TOP1: variants seen among roughly 807,000 people sequenced by gnomAD.
TOP1 encodes DNA topoisomerase I.
In TOP1, 10 loss-of-function variants were observed where a neutral mutation model predicts 111.1. The ratio of observed to expected loss-of-function variants is 0.09; its 90% confidence interval spans 0.06 to 0.15. The LOEUF is 0.15. Ranked by LOEUF, TOP1 falls within the 10% of genes least tolerant of loss-of-function variation. The pLI, the probability that TOP1 is intolerant of heterozygous loss-of-function variation, is 1.00. For missense variants in TOP1, 474 were observed against 926.7 expected (o/e 0.51, Z 6.34); for synonymous variants, 271 against 302.9 (o/e 0.89, Z 1.10).
intron 2 of TOP1, among the ~76,000 whole-genome samples, chr20:41,055,294 T>G (rs1290070359): frequency 6.6e-6 from 1 of 152,250 alleles, no homozygotes; most frequent in Non-Finnish European, 1.5e-5. Flanking sequence ...TTTTTGCACT[T>G]AACAGGTGCT....
Position 41,106,327 on chromosome 20 carries a change from T to C in TOP1, c.1308+4974T>C, listed in dbSNP as rs2034144967. On this transcript the variant is annotated intron_variant, in intron 13 of 20. Transcript: ENST00000361337. This position sits in a 1 kb window ranked among gnomAD's most constrained non-coding sequence, Gnocchi z 4.3. ...GACAAGTTTGTTTCATTCTTCAAAATTGCTTTGGCTATTCTTGGCCCTCTG... is the reference window on the plus strand; with the variant it reads ...GACAAGTTTGTTTCATTCTTCAAAACTGCTTTGGCTATTCTTGGCCCTCTG... Among the ~76,000 whole-genome samples the C allele has an allele frequency of 6.6e-6, 1 of 152,230 alleles. No homozygotes were observed. Among genetic ancestry groups the C allele is most frequent in the South Asian group, 2.1e-4 (1 of 4,832 alleles).
In TOP1 at chr20:41,101,583, A is replaced by G. The variant is rs2034064973; in HGVS notation, c.1308+230A>G. ...ATTCACAAATATTTACTGAAATCCC[A>G]AATGTGCCCCACACAGTATACATTT... On this transcript the variant is annotated intron_variant, in intron 13 of 20. Transcript: ENST00000361337. The surrounding 1 kb of genome is among the most constrained non-coding windows in gnomAD (Gnocchi z 4.1). Among the ~76,000 whole-genome samples the G allele has an allele frequency of 6.6e-6, 1 of 152,246 alleles. No individual in the cohort carries two copies. The highest frequency in any genetic ancestry group is 1.5e-5 in the Non-Finnish European group (1 of 68,050).
intron 3 of TOP1, 113 bp from the exon 4 acceptor site, chr20:41,076,058 G>GT: frequency 9.0e-7 from 1 of 1,106,378 alleles, no homozygotes; most frequent in Admixed American, 2.4e-5. Flanking sequence ...TGTCGGTACT[G>GT]TTTGTTTAAG....
chr20:41,120,234 G>A (rs902636921), intron 18 of TOP1, among the ~76,000 whole-genome samples: 1 of 152,216 alleles, frequency 6.6e-6, no homozygotes, highest in African/African-American at 2.4e-5. Context: ...TGATGCTTTT[G>A]TATATAGAAT....
chr20:41,071,116 T>C lies in TOP1; in HGVS notation c.156-5055T>C, dbSNP rs2033664129. Among the ~76,000 whole-genome samples the C allele has an allele frequency of 1.3e-5, 2 of 152,128 alleles. No homozygotes were observed. Among genetic ancestry groups the C allele is most frequent in the African/African-American group, 4.8e-5 (2 of 41,422 alleles). On this transcript the variant is annotated intron_variant, in intron 3 of 20. Coordinates refer to ENST00000361337, the MANE Select transcript of TOP1 (RefSeq NM_003286.4). This position sits in a 1 kb window ranked among gnomAD's most constrained non-coding sequence, Gnocchi z 4.3. ...TTTCCAGAATATCAGTATTTTGTTGTGGTAGCGGTGGTCTTTTTTCCTAAA... is the reference window on the plus strand; with the variant it reads ...TTTCCAGAATATCAGTATTTTGTTGCGGTAGCGGTGGTCTTTTTTCCTAAA...
chr20:41,075,085 T>G (rs1053979161), intron 3 of TOP1, among the ~76,000 whole-genome samples: 1 of 152,212 alleles, frequency 6.6e-6, no homozygotes, highest in Admixed American at 6.5e-5. Context: ...TGTATCCAAT[T>G]TTGGGGTTTG....
In TOP1 at chr20:41,122,948, C is replaced by T. The variant is rs993706836; in HGVS notation, c.2196-247C>T. On this transcript the variant is annotated intron_variant, in intron 20 of 20. Transcript: ENST00000361337. The surrounding 1 kb of genome is among the most constrained non-coding windows in gnomAD (Gnocchi z 5.4). ...GTGAGAAAATCAGTAAATTACCTAA[C>T]GTCTCTGCCTCAGTTTCATCTGTAC... 1.3e-5 allele frequency among the ~76,000 whole-genome samples: 2 copies of T among 152,242 alleles called. No homozygotes were observed. Among genetic ancestry groups the T allele is most frequent in the Admixed American group, 6.5e-5 (1 of 15,280 alleles).
chr20:41,102,643 ATGTAGTTTT>A lies in TOP1; in HGVS notation c.1308+1299_1308+1307del, dbSNP rs1221537349. On this transcript the variant is annotated intron_variant, in intron 13 of 20. Coordinates refer to ENST00000361337, the MANE Select transcript of TOP1 (RefSeq NM_003286.4). This position sits in a 1 kb window ranked among gnomAD's most constrained non-coding sequence, Gnocchi z 4.0. ...AACTAAATACATAAATAAAAATAAA[ATGTAGTTTT>A]TGTAGTTTAGATAAGTACAAAATCA... is the stretch of plus-strand genomic sequence containing the variant. Among the ~76,000 whole-genome samples, 3 of 152,158 alleles carry A rather than the reference ATGTAGTTTT, an allele frequency of 2.0e-5. No homozygotes were observed. Among genetic ancestry groups the A allele is most frequent in the African/African-American group, 7.2e-5 (3 of 41,436 alleles).
Position 41,079,545 on chromosome 20 carries a change from C to T in TOP1, c.336-540C>T, listed in dbSNP as rs2033765498. ...TCTGTTTATTCTGGTTTAACACGTG[C>T]CCTACTTTTGTTGTAATGTTGTCAG... On this transcript the variant is annotated intron_variant, in intron 5 of 20. Coordinates refer to ENST00000361337, the MANE Select transcript of TOP1 (RefSeq NM_003286.4). This position sits in a 1 kb window ranked among gnomAD's most constrained non-coding sequence, Gnocchi z 4.0. Among the ~76,000 whole-genome samples, 1 of 152,128 alleles carries T rather than the reference C, an allele frequency of 6.6e-6. No individual in the cohort carries two copies. The highest frequency in any genetic ancestry group is 1.5e-5 in the Non-Finnish European group (1 of 68,014).
At position 41,121,227 on chromosome 20, in the gene TOP1, G is replaced by A. The variant is rs2034418352; in HGVS notation, c.1951-469G>A. 1.3e-5 allele frequency among the ~76,000 whole-genome samples: 2 copies of A among 152,136 alleles called. No individual in the cohort carries two copies. The highest frequency in any genetic ancestry group is 2.9e-5 in the Non-Finnish European group (2 of 68,014). Reference sequence around the variant, plus strand: ...GCACCGCCTTCCCAGAGTACTGGTGGGATCTGAGGAACGAGCTGGGGTTGC... The same window carrying A: ...GCACCGCCTTCCCAGAGTACTGGTGAGATCTGAGGAACGAGCTGGGGTTGC... On this transcript the variant is annotated intron_variant, in intron 18 of 20. Coordinates refer to ENST00000361337, the MANE Select transcript of TOP1 (RefSeq NM_003286.4). The surrounding 1 kb of genome is among the most constrained non-coding windows in gnomAD (Gnocchi z 4.2).
chr20:41,100,083 C>G lies in TOP1; in HGVS notation c.1003C>G (p.Leu335Val), dbSNP rs2034038136. Residue 335 changes from leucine (L) to valine (V), a missense_variant, in exon 12 of 21, where the codon CTG becomes GTG. Coordinates refer to ENST00000361337, the MANE Select transcript of TOP1 (RefSeq NM_003286.4). This position sits in a 1 kb window ranked among gnomAD's most constrained non-coding sequence, Gnocchi z 4.4. Reference protein sequence around the residue: ...LKIKEENEKLLKEYGFCIMDN... With the variant: ...LKIKEENEKLVKEYGFCIMDN... ...AATCAAAGAGGAGAATGAAAAATTA[C>G]TGAAAGAATATGGATTCTGTATTAT... is the stretch of plus-strand genomic sequence containing the variant. 3 of 1,609,874 alleles carry G rather than the reference C, an allele frequency of 1.9e-6. No individual in the cohort carries two copies. The highest frequency in any genetic ancestry group is 2.2e-5 in the East Asian group (1 of 44,808).
chr20:41,044,174 G>T (rs201254629), intron 2 of TOP1, among the ~76,000 whole-genome samples: 2 of 152,164 alleles, frequency 1.3e-5, no homozygotes, highest in East Asian at 3.9e-4. Context: ...TACTCGGGAG[G>T]CTGAGGCAGG....
chr20:41,048,763 C>T (rs567896487), intron 2 of TOP1, among the ~76,000 whole-genome samples: 25 of 152,288 alleles, frequency 1.6e-4, no homozygotes, highest in South Asian at 4.1e-4. Context: ...GACAGTTTGT[C>T]GGTCCTATCA....
rs1323632007 is a variant in TOP1 at position 41,029,808 on chromosome 20, C to G, written c.58+353C>G. The G allele has an allele frequency of 5.7e-6, 2 of 349,802 alleles. No individual in the cohort carries two copies. Among genetic ancestry groups the G allele is most frequent in the Non-Finnish European group, 1.1e-5 (2 of 186,360 alleles). The allele number at this position is 349,802 out of a possible 1,614,324, so 21.7% of individuals were successfully genotyped here. On this transcript the variant is annotated intron_variant, in intron 2 of 20. Coordinates refer to ENST00000361337, the MANE Select transcript of TOP1 (RefSeq NM_003286.4). The surrounding 1 kb of genome is among the most constrained non-coding windows in gnomAD (Gnocchi z 6.1). ...TTTCTCTCTCCTCTCCTTTCTGTGC[C>G]TGTGTCTCTTTCTCTCCCTCCCTCG...
At chr20:41,035,251 C>A (rs1237313141) in intron 2 of TOP1, among the ~76,000 whole-genome samples, 1 of 152,096 alleles carries the variant, frequency 6.6e-6, no homozygotes, top group Non-Finnish European at 1.5e-5. Flanking sequence ...CACTCACTTA[C>A]CTGTCTGCTA....
intron 2 of TOP1, among the ~76,000 whole-genome samples, chr20:41,043,305 G>A (rs1020309161): frequency 6.6e-6 from 1 of 152,156 alleles, no homozygotes; most frequent in African/African-American, 2.4e-5. Context: ...CTCTTAAGCA[G>A]TATTCCTTGT....
chr20:41,124,096 CT>C lies in TOP1; in HGVS notation c.*800del, dbSNP rs2034459342. 4.3e-6 allele frequency: 1 copy of C among 233,006 alleles called. No individual in the cohort carries two copies. Among genetic ancestry groups the C allele is most frequent in the South Asian group, 1.8e-4 (1 of 5,526 alleles). 14.4% of individuals were successfully genotyped at this position (233,006 alleles called of 1,614,324 possible). ...AACCATTTTCCCATCATCCTTTGTT[CT>C]GAGCATTCGCTGTACCCTTTAAGAT... On this transcript the variant is annotated 3_prime_UTR_variant, in exon 21 of 21. Coordinates refer to ENST00000361337, the MANE Select transcript of TOP1 (RefSeq NM_003286.4). The surrounding 1 kb of genome is among the most constrained non-coding windows in gnomAD (Gnocchi z 5.4).
chr20:41,033,539 G>C (rs2033147931), intron 2 of TOP1, among the ~76,000 whole-genome samples: 1 of 152,016 alleles, frequency 6.6e-6, no homozygotes, highest in Non-Finnish European at 1.5e-5. Context: ...TGCATGTGTG[G>C]GGTGGGGAGG....
In TOP1 at chr20:41,061,430, A is replaced by G; in HGVS notation, c.95A>G (p.Glu32Gly). Residue 32 changes from glutamate to glycine, a missense_variant, in exon 3 of 21, where the codon GAA becomes GGA. This residue lies in a region of TOP1 where 185 missense variants were observed against 226.3 expected (regional missense o/e 0.82). Transcript: ENST00000361337. This position sits in a 1 kb window ranked among gnomAD's most constrained non-coding sequence, Gnocchi z 4.6. ...CACAAAGATAAACACAAAGATCGAG[A>G]ACACCGGCACAAAGAACACAAGAAG... ...HKHKDKHKDREHRHKEHKKEK... is the reference protein window; with the variant it reads ...HKHKDKHKDRGHRHKEHKKEK... 1 of 1,613,852 alleles carries G rather than the reference A, an allele frequency of 6.2e-7. No homozygotes were observed. The highest frequency in any genetic ancestry group is 1.3e-5 in the African/African-American group (1 of 75,052).
Sources: allele counts gnomAD v4.1 joint callset (sites outside exome capture counted in the v4.1 genomes callset), GRCh38; gene constraint gnomAD v4.1.1; regional missense constraint gnomAD v4.1.1; non-coding constraint Gnocchi (gnomAD v3.1); transcripts MANE v1.5; gene names NCBI Gene and HGNC (gene_info 2026-07-23, HGNC 2026-07-21).